Variants in MRE11 observed in about 807,000 individuals in gnomAD.
MRE11 encodes the protein double-strand break repair protein MRE11.
Under a neutral mutation model 91.7 loss-of-function variants are expected in MRE11, and 62 were observed. The ratio of observed to expected loss-of-function variants is 0.68; its 90% CI spans 0.55 to 0.84. MRE11 has a LOEUF of 0.84. Ranked by LOEUF, MRE11 falls within the 40% of genes least tolerant of loss-of-function variation. The pLI is 0.00. For missense variants in MRE11, 796 were observed against 852.9 expected (o/e 0.93, Z 0.83); for synonymous variants, 273 against 271.4 (o/e 1.01, Z -0.06).
Position 94,419,194 on chromosome 11 carries a change from T to C in MRE11, c.*931A>G, listed in dbSNP as rs564259302. 3 of 232,878 alleles carry C rather than the reference T, an allele frequency of 1.3e-5. No individual in the cohort carries two copies. The South Asian group carries it at 5.4e-4, about 42-fold the overall frequency. 14.4% of individuals were successfully genotyped at this position (232,878 alleles called of 1,614,324 possible). Reference sequence around the variant, plus strand: ...ACATGGGCTACTAAGATTTCTGGAATTGCCCATTCAGAAATGTATCACAGG... The same window carrying C: ...ACATGGGCTACTAAGATTTCTGGAACTGCCCATTCAGAAATGTATCACAGG... On this transcript the variant is annotated 3_prime_UTR_variant, in exon 20 of 20. Coordinates refer to ENST00000323929, the MANE Select transcript of MRE11 (RefSeq NM_005591.4).
intron 2 of MRE11, 149 bp from the exon 3 acceptor site, chr11:94,491,114 T>C (rs1224216489): frequency 1.6e-6 from 1 of 611,248 alleles, no homozygotes; most frequent in African/African-American, 1.8e-5. Flanking sequence ...AAATCTGAAG[T>C]ATTCAACGTT....
At chr11:94,464,666 G>C (rs1048503601) in intron 10 of MRE11, among the ~76,000 whole-genome samples, 1 of 152,152 alleles carries the variant, frequency 6.6e-6, no homozygotes, top group African/African-American at 2.4e-5. Context: ...TGTGCCTCAA[G>C]AGAAAGATGA....
intron 10 of MRE11, among the ~76,000 whole-genome samples, chr11:94,465,695 C>T (rs1326703887): frequency 1.3e-5 from 2 of 152,102 alleles, no homozygotes; most frequent in African/African-American, 4.8e-5. Flanking sequence ...CATGCCCAGC[C>T]TTACCCAGAT....
At chr11:94,445,952 A>G in intron 15 of MRE11, 59 bp from the exon 16 acceptor site, 1 of 1,218,512 alleles carries the variant, frequency 8.2e-7, no homozygotes, top group Non-Finnish European at 1.2e-6. Context: ...TTTATTTCAT[A>G]CAACACTAAA....
intron 16 of MRE11, among the ~76,000 whole-genome samples, chr11:94,439,817 C>T (rs1945725162): frequency 6.6e-6 from 1 of 152,238 alleles, no homozygotes; most frequent in African/African-American, 2.4e-5. Context: ...CTGGAGGACA[C>T]ACAACTAGTA....
rs1945105763 is a variant in MRE11 at position 94,419,428 on chromosome 11, CA to C, written c.*696del. Reference sequence around the variant, plus strand: ...TATATGTATGAAAGAGAAGAAAAAGCAAAGGAGAAAGGAAGAGTGGGGAACG... The same window carrying C: ...TATATGTATGAAAGAGAAGAAAAAGCAAGGAGAAAGGAAGAGTGGGGAACG... On this transcript the variant is annotated 3_prime_UTR_variant, in exon 20 of 20. Transcript: ENST00000323929. 2 of 204,682 alleles carry C rather than the reference CA, an allele frequency of 9.8e-6. No homozygotes were observed. Among genetic ancestry groups the C allele is most frequent in the Non-Finnish European group, 1.8e-5 (2 of 109,288 alleles). The allele number at this position is 204,682 out of a possible 1,614,324, so 12.7% of individuals were successfully genotyped here.
intron 3 of MRE11, among the ~76,000 whole-genome samples, chr11:94,489,156 G>GA (rs1384240483): frequency 6.6e-6 from 1 of 151,924 alleles, no homozygotes; most frequent in Admixed American, 6.6e-5. Flanking sequence ...AATATGCTAT[G>GA]AAAAAAAGCA....
At chr11:94,446,961 AAACACAGTGAAGCTTTTAT>A (rs1389997584) in intron 15 of MRE11, among the ~76,000 whole-genome samples, 1 of 152,264 alleles carries the variant, frequency 6.6e-6, no homozygotes, top group Admixed American at 6.5e-5. Flanking sequence ...ACTACGTGAC[AAACACAGTGAAGCTTTTAT>A]AAGGTATGTG....
chr11:94,432,849 C>G (rs750699309), intron 18 of MRE11, among the ~76,000 whole-genome samples: 3 of 152,156 alleles, frequency 2.0e-5, no homozygotes, highest in Non-Finnish European at 2.9e-5. Context: ...AAACAAAAAC[C>G]CTTATCTGAG....
At chr11:94,469,072 T>C (rs1255523481) in intron 9 of MRE11, among the ~76,000 whole-genome samples, 1 of 152,132 alleles carries the variant, frequency 6.6e-6, no homozygotes. Context: ...AACAGAAATG[T>C]ACATAAAATA....
intron 18 of MRE11, among the ~76,000 whole-genome samples, chr11:94,434,664 T>C (rs601391): frequency 0.65 from 99,034 of 151,928 alleles, 32,488 homozygotes; most frequent in South Asian, 0.77. Flanking sequence ...GTCAATTTTA[T>C]TCCCTCCATG....
Position 94,435,652 on chromosome 11 carries a change from A to C in MRE11, c.1994+180T>G, listed in dbSNP as rs575778115. Among the ~76,000 whole-genome samples the C allele has an allele frequency of 2.6e-5, 4 of 152,378 alleles. No individual in the cohort carries two copies. In the East Asian group the frequency reaches 5.8e-4, roughly 22 times the overall value. Reference sequence around the variant, plus strand: ...TTCAATTTTCACTGAAAATCCTTGTACTAATGCTGCATCAACTCTATAAAC... The same window carrying C: ...TTCAATTTTCACTGAAAATCCTTGTCCTAATGCTGCATCAACTCTATAAAC... On this transcript the variant is annotated intron_variant, in intron 18 of 19. Coordinates refer to ENST00000323929, the MANE Select transcript of MRE11 (RefSeq NM_005591.4).
rs1333614213 is a variant in MRE11 at position 94,456,279 on chromosome 11, A to G, written c.1560T>C (p.Arg520=). 2 of 1,613,134 alleles carry G rather than the reference A, an allele frequency of 1.2e-6. No individual in the cohort carries two copies. The highest frequency in any genetic ancestry group is 1.7e-6 in the Non-Finnish European group (2 of 1,179,500). The change falls in exon 14 of 20, where the codon CGT becomes CGC. Residue 520 remains arginine (R), a synonymous_variant. Transcript: ENST00000323929. ...GAATTTGCAGCAGAATAATTACCTC[A>G]CGGACTTCATCATCTTCTTCATTAG... ...KNTNEEDDEV[R]EAMTRARALR... is the part of the protein sequence containing the mutation.
At chr11:94,466,571 C>T in intron 10 of MRE11, 1 of 487,374 alleles carries the variant, frequency 2.1e-6, no homozygotes, top group South Asian at 1.4e-5. Context: ...ACTTTTGCAC[C>T]AACCTAATAC....
chr11:94,462,714 A>C (rs1946453645), intron 11 of MRE11, among the ~76,000 whole-genome samples: 1 of 152,212 alleles, frequency 6.6e-6, no homozygotes, highest in Non-Finnish European at 1.5e-5. Context: ...TGCTGGGAAA[A>C]CTGGCTAGCC....
At chr11:94,462,988 C>G (rs1360696094) in intron 11 of MRE11, among the ~76,000 whole-genome samples, 1 of 152,174 alleles carries the variant, frequency 6.6e-6, no homozygotes, top group Non-Finnish European at 1.5e-5. Context: ...TCAGAGTGGA[C>G]AGGCAACCTA....
In MRE11 at chr11:94,459,388, C is replaced by T; in HGVS notation, c.1500+20G>A. ...GACAGACTATTTAAATAGACCTAGA[C>T]ACTCAAATTAGTTACTTACCTCCTC... is the stretch of plus-strand genomic sequence containing the variant. On this transcript the variant is annotated intron_variant, in intron 13 of 19. Coordinates refer to ENST00000323929, the MANE Select transcript of MRE11 (RefSeq NM_005591.4). 6.2e-7 allele frequency: 1 copy of T among 1,613,152 alleles called. No individual in the cohort carries two copies. Among genetic ancestry groups the T allele is most frequent in the Non-Finnish European group, 8.5e-7 (1 of 1,179,396 alleles).
intron 14 of MRE11, among the ~76,000 whole-genome samples, chr11:94,453,784 G>C (rs957436399): frequency 6.6e-6 from 1 of 151,890 alleles, no homozygotes; most frequent in Non-Finnish European, 1.5e-5. Context: ...CTTCACTATT[G>C]ATAGTGCCTG....
rs1219968653 is a variant in MRE11 at position 94,479,631 on chromosome 11, T to G, written c.402+43A>C. On this transcript the variant is annotated intron_variant, in intron 5 of 19. Transcript: ENST00000323929. ...GCTTTCCACAGACAAACTAAACTGA[T>G]CATTTCCAAAATTCCAACAAACTCT... The G allele has an allele frequency of 1.9e-6, 3 of 1,542,798 alleles. No individual in the cohort carries two copies. The African/African-American group carries it at 4.1e-5, about 21-fold the overall frequency.
Sources: gnomAD v4.1 joint callset for allele counts (sites outside exome capture counted in the v4.1 genomes callset) on GRCh38, gnomAD v4.1.1 for gene constraint, MANE v1.5 for transcripts, NCBI Gene and HGNC (gene_info 2026-07-23, HGNC 2026-07-21) for gene names.